The following LTF variants were observed in gnomAD, a reference collection of about 807,000 sequenced individuals.
The protein encoded by LTF is epididymis luminal protein 110.
LTF carries 91 observed loss-of-function variants against 87.2 expected under a neutral mutation model. That is an observed-to-expected ratio of 1.04 (90% CI 0.88 to 1.24). The LOEUF (loss-of-function observed/expected upper bound fraction) is 1.24. LTF is among the 50% of genes most tolerant of loss of function. The pLI is 0.00. For synonymous variants in LTF, 378 were observed against 356.1 expected, an observed-to-expected ratio of 1.06 and a Z score of -0.69; for missense variants, 901 against 904.3, an observed-to-expected ratio of 1.00 and a Z score of 0.05.
intron 2 of LTF, among the ~76,000 whole-genome samples, chr3:46,456,760 T>G (rs1471882108): frequency 6.6e-6 from 1 of 152,260 alleles, no homozygotes; most frequent in Admixed American, 6.5e-5. Flanking sequence ...ATAGAAAATA[T>G]AGTTATTAAG....
At chr3:46,461,460 G>GA (rs1459073435) in intron 1 of LTF, among the ~76,000 whole-genome samples, 1 of 152,238 alleles carries the variant, frequency 6.6e-6, no homozygotes, top group East Asian at 1.9e-4. Context: ...ACTCAGCAGT[G>GA]AAAAGAACTA....
At chr3:46,437,388 A>C (rs912227177) in intron 16 of LTF, among the ~76,000 whole-genome samples, 2 of 148,074 alleles carry the variant, frequency 1.4e-5, no homozygotes, top group African/African-American at 5.0e-5. Context: ...TGGTACAATC[A>C]TAGCTCACTG....
At chr3:46,456,527 CCT>C (rs1702940213) in intron 2 of LTF, 129 bp from the exon 3 acceptor site, 1 of 653,538 alleles carries the variant, frequency 1.5e-6, no homozygotes, top group Non-Finnish European at 2.7e-6. Context: ...CATCCTGTCC[CCT>C]CACTTCCTAT....
chr3:46,478,316 T>A (rs1253375582), intron 1 of LTF, among the ~76,000 whole-genome samples: 1 of 152,094 alleles, frequency 6.6e-6, no homozygotes, highest in African/African-American at 2.4e-5. Flanking sequence ...GCTCCACACA[T>A]CTTCTCTCTC....
Position 46,456,180 on chromosome 3 carries a change from G to A in LTF, c.316+110C>T, listed in dbSNP as rs1702925909. ...AGCCCAGCGACTCCATTCCCTACAT[G>A]TGTGATGTGACCCAGACTCCACCTC... On this transcript the variant is annotated intron_variant, in intron 3 of 16. Coordinates refer to ENST00000231751, the MANE Select transcript of LTF (RefSeq NM_002343.6). 3.9e-6 allele frequency: 4 copies of A among 1,030,536 alleles called. No homozygotes were observed. The East Asian group carries it at 9.9e-5, about 26-fold the overall frequency. 63.8% of individuals were successfully genotyped at this position (1,030,536 alleles called of 1,614,324 possible).
Position 46,436,131 on chromosome 3 carries a change from G to A in LTF, c.*64C>T. ...AGGCCAAGGCCCCAACACACCTGGG[G>A]AGAAGAGCTGGGGGCAGTGAATGGC... On this transcript the variant is annotated 3_prime_UTR_variant, in exon 17 of 17. Coordinates refer to ENST00000231751, the MANE Select transcript of LTF (RefSeq NM_002343.6). 1 of 1,537,246 alleles carries A rather than the reference G, an allele frequency of 6.5e-7. No individual in the cohort carries two copies. Among genetic ancestry groups the A allele is most frequent in the Non-Finnish European group, 9.0e-7 (1 of 1,110,230 alleles).
chr3:46,472,020 C>A (rs1019004067), intron 1 of LTF, among the ~76,000 whole-genome samples: 17 of 151,974 alleles, frequency 1.1e-4, no homozygotes, highest in African/African-American at 4.1e-4. Context: ...CCTTGGCAGC[C>A]CAGGGCCTCC....
intron 1 of LTF, among the ~76,000 whole-genome samples, chr3:46,474,206 A>C (rs1239553157): frequency 6.6e-6 from 1 of 152,220 alleles, no homozygotes; most frequent in Non-Finnish European, 1.5e-5. Context: ...TAAGCTTTCC[A>C]CAAGAAACTC....
chr3:46,457,041 C>T (rs1281468468), intron 2 of LTF, among the ~76,000 whole-genome samples: 1 of 152,186 alleles, frequency 6.6e-6, no homozygotes, highest in East Asian at 1.9e-4. Context: ...CACTAGGGTT[C>T]ACACTCCTAT....
intron 6 of LTF, among the ~76,000 whole-genome samples, chr3:46,452,774 T>C (rs1308123980): frequency 6.6e-6 from 1 of 152,236 alleles, no homozygotes; most frequent in Non-Finnish European, 1.5e-5. Flanking sequence ...AAAATATACT[T>C]TTTTTATTGT....
intron 15 of LTF, 44 bp downstream of exon 15, chr3:46,439,252 A>G (rs1276741443): frequency 6.4e-7 from 1 of 1,553,064 alleles, no homozygotes; most frequent in East Asian, 2.3e-5. Flanking sequence ...ACCTAACATG[A>G]GCCCACACAG....
chr3:46,467,351 A>G (rs918141087), upstream of LTF, among the ~76,000 whole-genome samples: 1 of 152,050 alleles, frequency 6.6e-6, no homozygotes, highest in Non-Finnish European at 1.5e-5. Context: ...CACTTCTATC[A>G]CAGAGGCTCC....
intron 1 of LTF, among the ~76,000 whole-genome samples, chr3:46,472,793 C>A (rs1014117037): frequency 6.6e-5 from 10 of 152,012 alleles, no homozygotes; most frequent in African/African-American, 2.4e-4. Context: ...AAATGTTGCC[C>A]CATTTGTGAA....
intron 1 of LTF, 72 bp from the exon 2 acceptor site, chr3:46,459,891 A>T (rs1703037366): frequency 1.7e-6 from 2 of 1,147,472 alleles, no homozygotes; most frequent in Non-Finnish European, 1.2e-6. Context: ...CCTCTGATGG[A>T]GTTTTCCAGA....
chr3:46,459,434 G>C lies in LTF; in HGVS notation c.207+222C>G, dbSNP rs78700229. Among the ~76,000 whole-genome samples, 1,086 of 152,340 alleles carry C rather than the reference G, an allele frequency of 7.1e-3. 4 individuals carry two copies. The highest frequency in any genetic ancestry group is 0.011 in the Non-Finnish European group (779 of 68,038). On this transcript the variant is annotated intron_variant, in intron 2 of 16. Transcript: ENST00000231751. ...TTAATGAATAACAGTTGTTATTATA[G>C]TTTATGTGGAGGCTCCAGGTTCCTC...
At chr3:46,483,611 T>A (rs1329362837) in intron 1 of LTF, among the ~76,000 whole-genome samples, 1 of 152,040 alleles carries the variant, frequency 6.6e-6, no homozygotes. Flanking sequence ...AGTGTTAACC[T>A]TGGGGAAGAG....
chr3:46,456,092 C>T, intron 3 of LTF, 114 bp from the exon 4 acceptor site: 3 of 1,075,462 alleles, frequency 2.8e-6, no homozygotes, highest in Non-Finnish European at 3.9e-6. Context: ...AGTTTCCTCA[C>T]AGCTCACGTG....
At chr3:46,482,703 G>GGAAGGAAGGAAGGAAA (rs1559614928) in intron 1 of LTF, among the ~76,000 whole-genome samples, 3 of 92,712 alleles carry the variant, frequency 3.2e-5, no homozygotes, top group African/African-American at 1.3e-4. Flanking sequence ...AAGGAAGGAA[G>GGAAGGAAGGAAGGAAA]GAAAGAAAGA....
intron 6 of LTF, 126 bp from the exon 7 acceptor site, chr3:46,450,799 G>A: frequency 1.3e-6 from 1 of 776,292 alleles, no homozygotes; most frequent in Non-Finnish European, 2.1e-6. Context: ...CTGAGGGTCA[G>A]AAAGGCAGGG....
Sources: allele counts gnomAD v4.1 joint callset (sites outside exome capture counted in the v4.1 genomes callset), GRCh38; gene constraint gnomAD v4.1.1; transcripts MANE v1.5; gene names NCBI Gene and HGNC (gene_info 2026-07-23, HGNC 2026-07-21).